The following ERC2 variants were observed in gnomAD, a reference collection of about 807,000 sequenced individuals.
ERC2 encodes ELKS/RAB6-interacting/CAST family member 2, also known as ERC protein 2.
In ERC2, 42 loss-of-function variants were observed where a neutral mutation model predicts 114.8. That is an observed-to-expected ratio of 0.37 (90% CI 0.29 to 0.47). The LOEUF (loss-of-function observed/expected upper bound fraction) is 0.47, where lower values mean the gene tolerates loss of function less well. Ranked by LOEUF, ERC2 falls within the 20% of genes least tolerant of loss-of-function variation. ERC2 has a pLI of 0.99. For missense variants in ERC2, 939 were observed against 1,150.7 expected, an observed-to-expected ratio of 0.82 and a Z score of 2.66; for synonymous variants, 454 against 425.5, an observed-to-expected ratio of 1.07 and a Z score of -0.82.
At chr3:56,062,535 A>G (rs1286881410) in intron 7 of ERC2, among the ~76,000 whole-genome samples, 1 of 152,226 alleles carries the variant, frequency 6.6e-6, no homozygotes, top group Non-Finnish European at 1.5e-5. Context: ...ATTACAAAAA[A>G]TAATAATAAT....
chr3:55,757,630 A>T (rs2067143832), intron 14 of ERC2, among the ~76,000 whole-genome samples: 1 of 152,176 alleles, frequency 6.6e-6, no homozygotes, highest in Non-Finnish European at 1.5e-5. Context: ...TCAATGAGAT[A>T]CTATATATAA....
intron 16 of ERC2, among the ~76,000 whole-genome samples, chr3:55,690,772 A>G (rs1471713642): frequency 1.3e-5 from 2 of 152,156 alleles, no homozygotes; most frequent in South Asian, 2.1e-4. Context: ...TTTTTCCCAT[A>G]CTCAGTGAAG....
intron 17 of ERC2, among the ~76,000 whole-genome samples, chr3:55,675,284 G>A (rs764964276): frequency 2.0e-4 from 31 of 152,322 alleles, no homozygotes; most frequent in African/African-American, 4.6e-4. Flanking sequence ...AAGCCACAAT[G>A]AGGGTTGCAG....
At chr3:55,859,229 C>T (rs12636793) in intron 14 of ERC2, among the ~76,000 whole-genome samples, 16,116 of 152,170 alleles carry the variant, frequency 0.11, 987 homozygotes, top group South Asian at 0.16. Context: ...GATGGGGGCT[C>T]ACAGTGCTTA....
In ERC2 at chr3:55,943,810, C is replaced by T. The variant is rs574487904; in HGVS notation, c.2403+6615G>A. Among the ~76,000 whole-genome samples the T allele has an allele frequency of 1.5e-4, 23 of 152,194 alleles. No homozygotes were observed. The East Asian group carries it at 1.7e-3, about 11-fold the overall frequency. ...AAAATGGGGTCTCCAGTTTATAGTC[C>T]AAGCTTCACCTCAAAATAAGCCCAT... On this transcript the variant is annotated intron_variant, in intron 13 of 17. Coordinates refer to ENST00000288221, the MANE Select transcript of ERC2 (RefSeq NM_015576.3).
At chr3:56,164,261 C>A (rs1026572650) in intron 4 of ERC2, among the ~76,000 whole-genome samples, 8 of 151,950 alleles carry the variant, frequency 5.3e-5, no homozygotes, top group African/African-American at 1.9e-4. Flanking sequence ...TTCTTTCCTC[C>A]TTCCCCCTAG....
At chr3:56,364,308 T>C (rs1264025556) in intron 2 of ERC2, among the ~76,000 whole-genome samples, 1 of 152,154 alleles carries the variant, frequency 6.6e-6, no homozygotes, top group Non-Finnish European at 1.5e-5. Context: ...GCTTGAAAAA[T>C]AGTGTCGAGC....
At chr3:56,179,895 G>A (rs73834604) in intron 3 of ERC2, among the ~76,000 whole-genome samples, 12,164 of 152,102 alleles carry the variant, frequency 0.08, 660 homozygotes, top group Admixed American at 0.14. Context: ...ACAACTTTGG[G>A]ATCAGTGAAT....
chr3:56,046,636 A>G (rs2075477472), intron 7 of ERC2, among the ~76,000 whole-genome samples: 2 of 152,188 alleles, frequency 1.3e-5, no homozygotes, highest in Admixed American at 1.3e-4. Flanking sequence ...ATAAATTCTA[A>G]TGGACAGAGT....
rs189765592 is a variant in ERC2, at chr3:56,397,927, G to T, written c.657+36424C>A. Among the ~76,000 whole-genome samples, 4 of 152,240 alleles carry T rather than the reference G, an allele frequency of 2.6e-5. No individual in the cohort carries two copies. In the East Asian group the frequency reaches 7.7e-4, roughly 29 times the overall value. On this transcript the variant is annotated intron_variant, in intron 2 of 17. Coordinates refer to ENST00000288221, the MANE Select transcript of ERC2 (RefSeq NM_015576.3). Reference sequence around the variant, plus strand: ...ACATTCCAGGCAGCAGAAGAAGGGGGGACAAAAGAGAAGACATGCCTTTCC... The same window carrying T: ...ACATTCCAGGCAGCAGAAGAAGGGGTGACAAAAGAGAAGACATGCCTTTCC...
At chr3:55,927,495 G>C (rs866079861) in intron 13 of ERC2, among the ~76,000 whole-genome samples, 1 of 151,744 alleles carries the variant, frequency 6.6e-6, no homozygotes, top group African/African-American at 2.4e-5. Context: ...ATATTTATGG[G>C]GTATATGAGA....
chr3:56,234,550 A>G (rs1472427723), intron 3 of ERC2, among the ~76,000 whole-genome samples: 2 of 152,238 alleles, frequency 1.3e-5, no homozygotes, highest in Non-Finnish European at 2.9e-5. Context: ...AATTTCTGGG[A>G]CATTCAGATG....
intron 13 of ERC2, among the ~76,000 whole-genome samples, chr3:55,930,926 C>T (rs1311838438): frequency 6.6e-6 from 1 of 152,022 alleles, no homozygotes; most frequent in Non-Finnish European, 1.5e-5. Context: ...ACAACCCCAA[C>T]AAAATGTGGG....
chr3:56,031,878 T>A (rs139032078), intron 7 of ERC2, among the ~76,000 whole-genome samples: 2 of 152,340 alleles, frequency 1.3e-5, no homozygotes, highest in Non-Finnish European at 2.9e-5. Context: ...GTCTGATTTG[T>A]GTGACCCCTC....
chr3:55,637,878 A>T (rs2060021712), intron 17 of ERC2, among the ~76,000 whole-genome samples: 1 of 151,892 alleles, frequency 6.6e-6, no homozygotes, highest in Non-Finnish European at 1.5e-5. Context: ...TTTCTCACTG[A>T]CCCCTCTGAC....
chr3:55,906,573 C>T (rs1249432621), intron 13 of ERC2, among the ~76,000 whole-genome samples: 13 of 152,112 alleles, frequency 8.5e-5, no homozygotes, highest in Non-Finnish European at 1.3e-4. Flanking sequence ...ACTGAGGATG[C>T]GGTCCAACAA....
chr3:55,802,336 G>T (rs1190416132), intron 14 of ERC2, among the ~76,000 whole-genome samples: 3 of 152,186 alleles, frequency 2.0e-5, no homozygotes, highest in Non-Finnish European at 2.9e-5. Context: ...AATAAATGAG[G>T]ATATTATTTA....
chr3:55,748,700 A>C (rs2066468970), intron 14 of ERC2, among the ~76,000 whole-genome samples: 1 of 152,230 alleles, frequency 6.6e-6, no homozygotes, highest in African/African-American at 2.4e-5. Flanking sequence ...TACTAGGATA[A>C]TCAATTCAAA....
chr3:55,513,399 C>A (rs7634464), intron 17 of ERC2, among the ~76,000 whole-genome samples: 109,417 of 151,954 alleles, frequency 0.72, 40,743 homozygotes, highest in African/African-American at 0.87. Context: ...TTTTCTCCCC[C>A]TCTCACAAGC....
Sources: gnomAD v4.1 joint callset for allele counts (sites outside exome capture counted in the v4.1 genomes callset) on GRCh38, gnomAD v4.1.1 for gene constraint, MANE v1.5 for transcripts, NCBI Gene and HGNC (gene_info 2026-07-23, HGNC 2026-07-21) for gene names.